FHIP1A: variants seen among roughly 807,000 people sequenced by gnomAD.
The protein encoded by FHIP1A is FHF complex subunit HOOK interacting protein 1A.
In FHIP1A, 61 loss-of-function variants were observed where a neutral mutation model predicts 88.6. The ratio of observed to expected loss-of-function variants is 0.69; its 90% CI spans 0.56 to 0.85. The LOEUF is 0.85. Ranked by LOEUF, FHIP1A falls within the 40% of genes least tolerant of loss-of-function variation. The probability of loss-of-function intolerance (pLI) is 0.00; values close to 1 mark genes in which losing one functional copy is unlikely to be tolerated. For synonymous variants in FHIP1A, 478 were observed against 496.0 expected (o/e 0.96, Z 0.48); for missense variants, 1,154 against 1,273.5 (o/e 0.91, Z 1.43).
chr4:151,603,339 G>A (rs1201868575), intron 7 of FHIP1A, among the ~76,000 whole-genome samples: 2 of 151,698 alleles, frequency 1.3e-5, no homozygotes, highest in Non-Finnish European at 2.9e-5. Context: ...AGATTGTAAA[G>A]AATCGCTTTA....
At chr4:151,417,594 T>A (rs910748717) in intron 1 of FHIP1A, among the ~76,000 whole-genome samples, 7 of 152,146 alleles carry the variant, frequency 4.6e-5, no homozygotes, top group Non-Finnish European at 1.0e-4. Flanking sequence ...GTCCTTTTGT[T>A]ACTTGGGTGT....
chr4:151,663,150 C>T lies in FHIP1A; in HGVS notation c.*396C>T, dbSNP rs1459918618. 1 of 161,158 alleles carries T rather than the reference C, an allele frequency of 6.2e-6. No individual in the cohort carries two copies. The highest frequency in any genetic ancestry group is 2.4e-5 in the African/African-American group (1 of 41,626). 10.0% of individuals were successfully genotyped at this position (161,158 alleles called of 1,614,324 possible). A position where few individuals can be genotyped will look rare whatever the true frequency, so the allele number is the denominator to read the frequency against. ...TGTCAGAATTCCAGCTGTTCAGCAG[C>T]ACAGGAAGATTGTACACCTGCAACT... On this transcript the variant is annotated 3_prime_UTR_variant, in exon 14 of 14. Transcript: ENST00000435205.
chr4:151,662,218 T>C (rs1488697770), intron 13 of FHIP1A, among the ~76,000 whole-genome samples: 10 of 152,250 alleles, frequency 6.6e-5, no homozygotes, highest in African/African-American at 2.4e-4. Flanking sequence ...GGAGGATTCT[T>C]GACAAACCTA....
At chr4:151,480,522 C>T (rs1393948876) in intron 2 of FHIP1A, among the ~76,000 whole-genome samples, 5 of 151,982 alleles carry the variant, frequency 3.3e-5, no homozygotes, top group Admixed American at 2.0e-4. Context: ...ATCTCTCCAG[C>T]ACATGATGAT....
chr4:151,513,689 G>A (rs1184694234), intron 3 of FHIP1A, among the ~76,000 whole-genome samples: 2 of 151,966 alleles, frequency 1.3e-5, no homozygotes, highest in East Asian at 3.9e-4. Context: ...ACCAACAAAG[G>A]GCAAAAGAGA....
intron 9 of FHIP1A, among the ~76,000 whole-genome samples, chr4:151,643,802 ACT>A (rs1736686639): frequency 6.6e-6 from 1 of 152,046 alleles, no homozygotes; most frequent in African/African-American, 2.4e-5. Flanking sequence ...AGTTTCGTAG[ACT>A]CTCTTTCAAC....
intron 2 of FHIP1A, among the ~76,000 whole-genome samples, chr4:151,459,778 A>G (rs1386259895): frequency 1.3e-5 from 2 of 152,192 alleles, no homozygotes; most frequent in African/African-American, 2.4e-5. Context: ...AAACCAGAAC[A>G]GTGGCTGAAG....
At chr4:151,438,439 A>C (rs577266669) in intron 1 of FHIP1A, among the ~76,000 whole-genome samples, 1 of 152,208 alleles carries the variant, frequency 6.6e-6, no homozygotes, top group East Asian at 1.9e-4. Context: ...AAAGGATTTA[A>C]TTCTTTTCAT....
chr4:151,600,666 G>A (rs1734834588), intron 7 of FHIP1A, among the ~76,000 whole-genome samples: 1 of 152,184 alleles, frequency 6.6e-6, no homozygotes, highest in South Asian at 2.1e-4. Context: ...GATGTCTGGG[G>A]CCTCAGCAGG....
At chr4:151,603,767 T>G in intron 7 of FHIP1A, among the ~76,000 whole-genome samples, 1 of 152,216 alleles carries the variant, frequency 6.6e-6, no homozygotes, top group African/African-American at 2.4e-5. Context: ...TCCTTGAATT[T>G]TTTCTCTTAA....
intron 8 of FHIP1A, among the ~76,000 whole-genome samples, chr4:151,633,537 T>C (rs1408782936): frequency 4.6e-5 from 7 of 151,996 alleles, no homozygotes; most frequent in African/African-American, 1.7e-4. Flanking sequence ...CTGATGACTG[T>C]TGATGCAAAA....
intron 7 of FHIP1A, among the ~76,000 whole-genome samples, chr4:151,621,722 A>G (rs1735754193): frequency 6.6e-6 from 1 of 152,000 alleles, no homozygotes; most frequent in South Asian, 2.1e-4. Context: ...TTTTAAAGTC[A>G]GTCTCATCAG....
chr4:151,610,783 A>G (rs1646428279), intron 7 of FHIP1A, among the ~76,000 whole-genome samples: 1 of 152,206 alleles, frequency 6.6e-6, no homozygotes, highest in African/African-American at 2.4e-5. Flanking sequence ...CAGTGCAGGC[A>G]TAGACAATAA....
At chr4:151,557,298 A>G (rs906491774) in intron 3 of FHIP1A, among the ~76,000 whole-genome samples, 2 of 152,196 alleles carry the variant, frequency 1.3e-5, no homozygotes, top group East Asian at 1.9e-4. Flanking sequence ...AACCTTGTCT[A>G]TTCTTGCTCA....
chr4:151,544,726 G>C (rs971152979), intron 3 of FHIP1A, among the ~76,000 whole-genome samples: 2 of 152,148 alleles, frequency 1.3e-5, no homozygotes, highest in Admixed American at 1.3e-4. Context: ...TTGAGAAAAG[G>C]AAATCCATGG....
chr4:151,415,639 TA>T (rs1287795506), intron 1 of FHIP1A, among the ~76,000 whole-genome samples: 10 of 152,270 alleles, frequency 6.6e-5, no homozygotes, highest in South Asian at 4.1e-4. Context: ...ATGAAAATGT[TA>T]AATTTCTTTT....
In FHIP1A at chr4:151,666,522, A is replaced by T. The variant is rs894872879; in HGVS notation, c.*3768A>T. On this transcript the variant is annotated 3_prime_UTR_variant, in exon 14 of 14. Transcript: ENST00000435205. Reference sequence around the variant, plus strand: ...GTCCAGGATAAGACATCATGGAGCCAGGGTCTTGTCAGGAAAGCATCCTCT... The same window carrying T: ...GTCCAGGATAAGACATCATGGAGCCTGGGTCTTGTCAGGAAAGCATCCTCT... Among the ~76,000 whole-genome samples, 1 of 152,218 alleles carries T rather than the reference A, an allele frequency of 6.6e-6. No homozygotes were observed. The highest frequency in any genetic ancestry group is 6.5e-5 in the Admixed American group (1 of 15,274).
intron 1 of FHIP1A, among the ~76,000 whole-genome samples, chr4:151,434,889 T>C (rs375686201): frequency 3.3e-5 from 5 of 152,150 alleles, no homozygotes; most frequent in East Asian, 1.9e-4. Flanking sequence ...TAAGAAAATA[T>C]CTTTTCTTTT....
chr4:151,497,750 A>G (rs981494635), intron 3 of FHIP1A, among the ~76,000 whole-genome samples: 1 of 152,246 alleles, frequency 6.6e-6, no homozygotes, highest in Non-Finnish European at 1.5e-5. Flanking sequence ...AATGTTGACA[A>G]GCATTGTCCT....
Sources: allele counts gnomAD v4.1 joint callset (sites outside exome capture counted in the v4.1 genomes callset), GRCh38; gene constraint gnomAD v4.1.1; transcripts MANE v1.5; gene names NCBI Gene and HGNC (gene_info 2026-07-23, HGNC 2026-07-21).